The following EPHB3 variants were observed in gnomAD, a reference collection of about 807,000 sequenced individuals.
The protein encoded by EPHB3 is EPH receptor B3, also known as ephrin type-B receptor 3.
A neutral mutation model predicts 100.2 loss-of-function variants in EPHB3; 33 were observed. The ratio of observed to expected loss-of-function variants is 0.33; its 90% CI spans 0.25 to 0.44. The LOEUF (loss-of-function observed/expected upper bound fraction) is 0.44. Among genes scored for constraint, EPHB3 ranks in the 20% least tolerant of loss-of-function variants. The pLI is 1.00. For synonymous variants in EPHB3, 526 were observed against 554.7 expected, an observed-to-expected ratio of 0.95 and a Z score of 0.73; for missense variants, 1,045 against 1,378.3, an observed-to-expected ratio of 0.76 and a Z score of 3.83.
chr3:184,574,790 C>T (rs905414419), intron 3 of EPHB3, among the ~76,000 whole-genome samples: 3 of 152,200 alleles, frequency 2.0e-5, no homozygotes, highest in Non-Finnish European at 2.9e-5. Flanking sequence ...TGCAGGTCCC[C>T]GGCAGGAAAT....
rs936885187 is a variant in EPHB3 at position 184,578,737 on chromosome 3, A to G, written c.1801+271A>G. Among the ~76,000 whole-genome samples the G allele has an allele frequency of 2.0e-5, 3 of 152,226 alleles. No individual in the cohort carries two copies. Among genetic ancestry groups the G allele is most frequent in the Admixed American group, 6.5e-5 (1 of 15,278 alleles). ...AAAGACAAGATGCAAACACACAGGA[A>G]ACAATTTGAGAACAATTAAGGGTTG... On this transcript the variant is annotated intron_variant, in intron 9 of 15. Coordinates refer to ENST00000330394, the MANE Select transcript of EPHB3 (RefSeq NM_004443.4). This position sits in a 1 kb window ranked among gnomAD's most constrained non-coding sequence, Gnocchi z 4.7.
chr3:184,570,976 C>T (rs62287430), intron 1 of EPHB3, among the ~76,000 whole-genome samples: 1 of 146,474 alleles, frequency 6.8e-6, no homozygotes, highest in African/African-American at 2.5e-5. Flanking sequence ...TTTTTTTAGA[C>T]AGAGTTTCTC....
chr3:184,574,815 A>G (rs1714633628), intron 3 of EPHB3, among the ~76,000 whole-genome samples: 1 of 152,210 alleles, frequency 6.6e-6, no homozygotes, highest in African/African-American at 2.4e-5. Flanking sequence ...GCTGGTTCCC[A>G]TAGCAACCAG....
intron 1 of EPHB3, among the ~76,000 whole-genome samples, chr3:184,568,304 C>T (rs770041332): frequency 2.0e-5 from 3 of 152,204 alleles, no homozygotes; most frequent in Non-Finnish European, 4.4e-5. Context: ...GGTTTCCTGC[C>T]TGACACAGCC....
intron 3 of EPHB3, chr3:184,575,240 G>T (rs1714642190): frequency 1.0e-6 from 1 of 985,162 alleles, no homozygotes; most frequent in Non-Finnish European, 1.2e-6. Flanking sequence ...TGAACTCCAG[G>T]TGACCCCAGC....
chr3:184,579,611 G>T lies in EPHB3; in HGVS notation c.1924+12G>T, dbSNP rs772641316. 10 of 1,613,806 alleles carry T rather than the reference G, an allele frequency of 6.2e-6. 1 individual carries two copies. The Admixed American group carries it at 1.7e-4, about 27-fold the overall frequency. ...GGTGATCGGAGCTGGTGAGTCTCCC[G>T]GGGCACAGTAGAGATGAGAAGCTGA... On this transcript the variant is annotated intron_variant, in intron 10 of 15. Transcript: ENST00000330394. This position sits in a 1 kb window ranked among gnomAD's most constrained non-coding sequence, Gnocchi z 5.2.
rs746148321 is a variant in EPHB3 at position 184,572,989 on chromosome 3, C to T, written c.669C>T (p.Pro223=). 2.0e-5 allele frequency: 32 copies of T among 1,608,332 alleles called. No homozygotes were observed. Among genetic ancestry groups the T allele is most frequent in the South Asian group, 6.6e-5 (6 of 90,362 alleles). ...ASTTAGFALF[P]ETLTGAEPTS... ...CCACCGCAGGCTTCGCACTCTTCCCCGAGACCCTCACTGGGGCGGAGCCCA... is the reference window on the plus strand; with the variant it reads ...CCACCGCAGGCTTCGCACTCTTCCCTGAGACCCTCACTGGGGCGGAGCCCA... The change falls in exon 3 of 16, where the codon CCC becomes CCT. Residue 223 remains proline, a synonymous_variant. Coordinates refer to ENST00000330394, the MANE Select transcript of EPHB3 (RefSeq NM_004443.4). This position sits in a 1 kb window ranked among gnomAD's most constrained non-coding sequence, Gnocchi z 6.6.
rs1266290794 is a variant in EPHB3 at position 184,562,175 on chromosome 3, AGCCCCGCCGGCGCG to A, written c.-56_-43del. 3.6e-6 allele frequency: 1 copy of A among 275,806 alleles called. No individual in the cohort carries two copies. The highest frequency in any genetic ancestry group is 5.7e-6 in the Non-Finnish European group (1 of 174,128). The allele number at this position is 275,806 out of a possible 1,614,324, so 17.1% of individuals were successfully genotyped here. On this transcript the variant is annotated 5_prime_UTR_variant, in exon 1 of 16. Transcript: ENST00000330394. This position sits in a 1 kb window ranked among gnomAD's most constrained non-coding sequence, Gnocchi z 4.8. ...AGCGCACCCTCTCTCGGGTGCCTGCAGCCCCGCCGGCGCGGCCCGGCCCGGCGCGGCCCGGCTCG... is the reference window on the plus strand; with the variant it reads ...AGCGCACCCTCTCTCGGGTGCCTGCAGCCCGGCCCGGCGCGGCCCGGCTCG...
chr3:184,570,956 C>CTTT (rs35707076), intron 1 of EPHB3, among the ~76,000 whole-genome samples: 2 of 137,458 alleles, frequency 1.5e-5, no homozygotes, highest in Admixed American at 7.3e-5. Context: ...TTCTTTCTTT[C>CTTT]TTTTTTTTTT....
rs1334916359 is a variant in EPHB3 at position 184,577,067 on chromosome 3, G to A, written c.1238G>A (p.Ser413Asn). ...CTGACGGAGCGCCGGGTCCACATCAGCCATCTGCTGGCCCACACGCGCTAC... is the reference window on the plus strand; with the variant it reads ...CTGACGGAGCGCCGGGTCCACATCAACCATCTGCTGGCCCACACGCGCTAC... ...LGLTERRVHI[S>N]HLLAHTRYTF... is the part of the protein sequence containing the mutation. The change falls in exon 5 of 16, where the codon AGC (serine) becomes AAC (asparagine). Residue 413 changes from serine to asparagine, a missense_variant. Coordinates refer to ENST00000330394, the MANE Select transcript of EPHB3 (RefSeq NM_004443.4). The surrounding 1 kb of genome is among the most constrained non-coding windows in gnomAD (Gnocchi z 4.9). 2 of 1,613,578 alleles carry A rather than the reference G, an allele frequency of 1.2e-6. No homozygotes were observed. Among genetic ancestry groups the A allele is most frequent in the Non-Finnish European group, 1.7e-6 (2 of 1,179,950 alleles).
intron 1 of EPHB3, among the ~76,000 whole-genome samples, chr3:184,567,233 C>T (rs965603238): frequency 3.3e-5 from 5 of 152,212 alleles, no homozygotes; most frequent in Middle Eastern, 3.2e-3. Context: ...ACCCCAGCCT[C>T]GTGACCTGAC....
chr3:184,572,907 A>G lies in EPHB3; in HGVS notation c.587A>G (p.Gln196Arg). The G allele has an allele frequency of 6.4e-7, 1 of 1,563,964 alleles. No individual in the cohort carries two copies. Among genetic ancestry groups the G allele is most frequent in the Non-Finnish European group, 8.7e-7 (1 of 1,154,012 alleles). ...GGCTTCTACCTGGCCTTCCAGGACC[A>G]GGGCGCCTGCATGTCGCTCATCTCC... ...KAGFYLAFQD[Q>R]GACMSLISVR... The change falls in exon 3 of 16, where the codon CAG (glutamine) becomes CGG (arginine). Residue 196 changes from glutamine to arginine, a missense_variant. Coordinates refer to ENST00000330394, the MANE Select transcript of EPHB3 (RefSeq NM_004443.4). This position sits in a 1 kb window ranked among gnomAD's most constrained non-coding sequence, Gnocchi z 6.6.
In EPHB3 at chr3:184,580,995, T is replaced by C. The variant is rs1425554985; in HGVS notation, c.2562T>C (p.Asp854=). The C allele has an allele frequency of 6.2e-7, 1 of 1,612,508 alleles. No homozygotes were observed. The highest frequency in any genetic ancestry group is 8.5e-7 in the Non-Finnish European group (1 of 1,178,884). The change falls in exon 14 of 16, where the codon GAT becomes GAC. Residue 854 remains aspartate (D), a synonymous_variant. Transcript: ENST00000330394. ...AGGTCATCAATGCCGTGGAGCAGGA[T>C]TACCGGCTGCCACCACCCATGGACT... ...NQDVINAVEQ[D]YRLPPPMDCP...
At position 184,573,712 on chromosome 3, in the gene EPHB3, G is replaced by A. The variant is rs1483159466; in HGVS notation, c.856+536G>A. 2.9e-5 allele frequency among the ~76,000 whole-genome samples: 4 copies of A among 140,280 alleles called. No individual in the cohort carries two copies. The highest frequency in any genetic ancestry group is 1.0e-4 in the African/African-American group (4 of 38,326). 92.0% of individuals were successfully genotyped at this position (140,280 alleles called of 152,430 possible). A position where few individuals can be genotyped will look rare whatever the true frequency, so the allele number is the denominator to read the frequency against. ...TTACCACTTACGTGACCTTGGGCAA[G>A]TTACTTTTTTTTTTTTTTTTTTGAG... On this transcript the variant is annotated intron_variant, in intron 3 of 15. Transcript: ENST00000330394. The surrounding 1 kb of genome is among the most constrained non-coding windows in gnomAD (Gnocchi z 4.5).
intron 1 of EPHB3, among the ~76,000 whole-genome samples, chr3:184,567,383 C>A (rs1560053939): frequency 6.6e-6 from 1 of 152,180 alleles, no homozygotes; most frequent in African/African-American, 2.4e-5. Context: ...CGAGAGGCAC[C>A]AGAGTGTTGG....
In EPHB3 at chr3:184,565,986, T is replaced by G. The variant is rs1156994985; in HGVS notation, c.118+3633T>G. Among the ~76,000 whole-genome samples, 4 of 152,120 alleles carry G rather than the reference T, an allele frequency of 2.6e-5. No individual in the cohort carries two copies. Among genetic ancestry groups the G allele is most frequent in the Non-Finnish European group, 5.9e-5 (4 of 68,034 alleles). On this transcript the variant is annotated intron_variant, in intron 1 of 15. Coordinates refer to ENST00000330394, the MANE Select transcript of EPHB3 (RefSeq NM_004443.4). This position sits in a 1 kb window ranked among gnomAD's most constrained non-coding sequence, Gnocchi z 4.8. ...ATAGTTTGAAAATTGTAGCCCTGCC[T>G]GTTGTGCTGAGTCAAACTGGTTTGT... is the stretch of plus-strand genomic sequence containing the variant.
At chr3:184,574,839 C>G (rs529532038) in intron 3 of EPHB3, among the ~76,000 whole-genome samples, 93 of 152,338 alleles carry the variant, frequency 6.1e-4, no homozygotes, top group African/African-American at 2.1e-3. Flanking sequence ...GGCCTGGCCT[C>G]TGCCCCCTCC....
rs1419259030 is a variant in EPHB3 at position 184,577,858 on chromosome 3, T to A, written c.1640-40T>A. 10 of 1,608,240 alleles carry A rather than the reference T, an allele frequency of 6.2e-6. No individual in the cohort carries two copies. The East Asian group carries it at 8.9e-5, about 14-fold the overall frequency. ...CGCCTGTCCCCATCGCGGCCCTCAC[T>A]CTCTGTCCCTCCACTCAGCAGCCCC... On this transcript the variant is annotated intron_variant, in intron 7 of 15. Coordinates refer to ENST00000330394, the MANE Select transcript of EPHB3 (RefSeq NM_004443.4). The surrounding 1 kb of genome is among the most constrained non-coding windows in gnomAD (Gnocchi z 4.9).
In EPHB3 at chr3:184,579,448, C is replaced by T. The variant is rs909950945; in HGVS notation, c.1802-29C>T. 9.3e-6 allele frequency: 15 copies of T among 1,607,352 alleles called. No homozygotes were observed. Among genetic ancestry groups the T allele is most frequent in the Non-Finnish European group, 1.0e-5 (12 of 1,174,790 alleles). ...CAGGGAGAGGCTGGCTTGACGTTACCCTCTCACGCCCACCTCTTCTCCCTC... is the reference window on the plus strand; with the variant it reads ...CAGGGAGAGGCTGGCTTGACGTTACTCTCTCACGCCCACCTCTTCTCCCTC... On this transcript the variant is annotated intron_variant, in intron 9 of 15. Coordinates refer to ENST00000330394, the MANE Select transcript of EPHB3 (RefSeq NM_004443.4). This position sits in a 1 kb window ranked among gnomAD's most constrained non-coding sequence, Gnocchi z 5.2.
Sources: gnomAD v4.1 joint callset for allele counts (sites outside exome capture counted in the v4.1 genomes callset) on GRCh38, gnomAD v4.1.1 for gene constraint, Gnocchi (gnomAD v3.1) non-coding constraint, MANE v1.5 for transcripts, NCBI Gene and HGNC (gene_info 2026-07-23, HGNC 2026-07-21) for gene names.